Variants in NCOA1 observed in about 807,000 individuals in gnomAD.
NCOA1 encodes nuclear receptor coactivator 1, also known as Hin-2 protein.
Under a neutral mutation model 150.9 loss-of-function variants are expected in NCOA1, and 35 were observed. That is an observed-to-expected ratio of 0.23 (90% CI 0.18 to 0.31). NCOA1 has a LOEUF of 0.31. Among genes scored for constraint, NCOA1 ranks in the 10% least tolerant of loss-of-function variants. The pLI, the probability that NCOA1 is intolerant of heterozygous loss-of-function variation, is 1.00. For synonymous variants in NCOA1, 590 were observed against 630.0 expected (o/e 0.94, Z 0.95); for missense variants, 1,491 against 1,749.3 (o/e 0.85, Z 2.63).
intron 10 of NCOA1, among the ~76,000 whole-genome samples, chr2:24,694,855 G>C (rs1672828538): frequency 6.6e-6 from 1 of 151,720 alleles, no homozygotes; most frequent in Non-Finnish European, 1.5e-5. Context: ...AAAATTGAAA[G>C]TATTTTGCAT....
chr2:24,721,911 T>C (rs1674374878), intron 14 of NCOA1, among the ~76,000 whole-genome samples: 1 of 152,350 alleles, frequency 6.6e-6, no homozygotes, highest in East Asian at 1.9e-4. Context: ...CTTCGTTGTT[T>C]TAGTCTTCTG....
At chr2:24,659,052 G>A (rs1671067213) in intron 5 of NCOA1, 1 of 300,566 alleles carries the variant, frequency 3.3e-6, no homozygotes, top group Non-Finnish European at 6.4e-6. Flanking sequence ...GTTAGATCAA[G>A]TTCCTCCATT....
rs56063211 is a variant in NCOA1 at position 24,626,142 on chromosome 2, A to G, written c.-174-17824A>G. Among the ~76,000 whole-genome samples, 952 of 152,256 alleles carry G rather than the reference A, an allele frequency of 6.3e-3. 13 individuals are homozygous for G. The highest frequency in any genetic ancestry group is 0.021 in the African/African-American group (868 of 41,552). On this transcript the variant is annotated intron_variant, in intron 3 of 22. Transcript: ENST00000348332. ...TGTAGCAGTGTGTATGTTTTTCTCT[A>G]TTTAATTTAGTCACTTTCCTCATGT...
intron 8 of NCOA1, among the ~76,000 whole-genome samples, chr2:24,690,584 G>A (rs1362550321): frequency 3.7e-5 from 5 of 136,736 alleles, no homozygotes; most frequent in African/African-American, 5.4e-5. Flanking sequence ...TCCAGGAGGC[G>A]CAGGTTGTGG....
chr2:24,576,188 T>TTTTTTTTTTTTG (rs1558806701), intron 2 of NCOA1, among the ~76,000 whole-genome samples: 1 of 97,358 alleles, frequency 1.0e-5, no homozygotes, highest in Non-Finnish European at 2.2e-5. Flanking sequence ...TTTTTTTTTT[T>TTTTTTTTTTTTG]TTTGTTTGCT....
chr2:24,553,165 G>A (rs1273103400), intron 1 of NCOA1, among the ~76,000 whole-genome samples: 1 of 151,360 alleles, frequency 6.6e-6, no homozygotes, highest in South Asian at 2.1e-4. Context: ...GTTCTCTTCT[G>A]TTTCTAGTTT....
At chr2:24,568,821 A>G (rs1666615170) in intron 2 of NCOA1, among the ~76,000 whole-genome samples, 1 of 152,230 alleles carries the variant, frequency 6.6e-6, no homozygotes, top group Non-Finnish European at 1.5e-5. Context: ...CCATGCCAGT[A>G]TTTTGTTTTT....
chr2:24,492,465 A>G (rs1005950041), intron 1 of NCOA1, among the ~76,000 whole-genome samples: 2 of 152,188 alleles, frequency 1.3e-5, no homozygotes, highest in Admixed American at 6.5e-5. Flanking sequence ...CCATGGGTAG[A>G]CACTGCCCAG....
At chr2:24,659,517 C>A (rs559564691) in intron 5 of NCOA1, among the ~76,000 whole-genome samples, 2 of 152,142 alleles carry the variant, frequency 1.3e-5, no homozygotes, top group South Asian at 4.1e-4. Context: ...ATATTCAGTC[C>A]TATTAACTTT....
In NCOA1 at chr2:24,516,985, T is replaced by TATATATACGTGTATATATAC. The variant is rs1372718830; in HGVS notation, c.-396+25390_-396+25391insCGTGTATATATACATATATA. Among the ~76,000 whole-genome samples the TATATATACGTGTATATATAC allele has an allele frequency of 3.0e-3, 149 of 50,454 alleles. 9 individuals carry two copies. The highest frequency in any genetic ancestry group is 5.7e-3 in the African/African-American group (142 of 24,748). 33.1% of individuals were successfully genotyped at this position (50,454 alleles called of 152,430 possible). A position where few individuals can be genotyped will look rare whatever the true frequency, so the allele number is the denominator to read the frequency against. ...ATATACGTATATATACACATATACG[T>TATATATACGTGTATATATAC]ATATATATACACACGCGCGCACACA... On this transcript the variant is annotated intron_variant, in intron 1 of 22. Transcript: ENST00000348332.
rs11125744 is a variant in NCOA1, at chr2:24,683,058, G to C, written c.462G>C (p.Thr154=). 1,423,761 of 1,609,788 alleles carry C rather than the reference G, an allele frequency of 0.88. 634,409 individuals carry two copies. The highest frequency in any genetic ancestry group is 0.99 in the East Asian group (44,182 of 44,594). Residue 154 remains threonine, a synonymous_variant, in exon 8 of 23, where the codon ACG becomes ACC. Coordinates refer to ENST00000348332, the MANE Select transcript of NCOA1 (RefSeq NM_003743.5). The part of the protein sequence containing the change: ...LGYNQEELMN[T]SVYSILHVGD... ...ACAATCAGGAGGAATTAATGAATAC[G>C]AGCGTCTACAGCATACTGCACGTGG... is the stretch of plus-strand genomic sequence containing the variant.
At chr2:24,658,429 C>T (rs1298106631) in intron 4 of NCOA1, among the ~76,000 whole-genome samples, 1 of 152,092 alleles carries the variant, frequency 6.6e-6, no homozygotes, top group East Asian at 1.9e-4. Context: ...GTAACAATTT[C>T]ACAAAGGATT....
chr2:24,569,967 A>G (rs1666676377), intron 2 of NCOA1, among the ~76,000 whole-genome samples: 1 of 151,824 alleles, frequency 6.6e-6, no homozygotes, highest in African/African-American at 2.4e-5. Flanking sequence ...CCCAGAGTCA[A>G]AATGCAAGCA....
At chr2:24,603,087 G>C (rs2148362088) in intron 3 of NCOA1, among the ~76,000 whole-genome samples, 1 of 152,242 alleles carries the variant, frequency 6.6e-6, no homozygotes, top group East Asian at 1.9e-4. Flanking sequence ...TTGCTATAAA[G>C]TGAATCACAC....
chr2:24,524,303 A>G (rs1302042958), intron 1 of NCOA1, among the ~76,000 whole-genome samples: 1 of 151,846 alleles, frequency 6.6e-6, no homozygotes, highest in Non-Finnish European at 1.5e-5. Context: ...TTTTTATTTT[A>G]CTTTGTTTTT....
At chr2:24,599,388 G>A (rs1247094074) in intron 3 of NCOA1, among the ~76,000 whole-genome samples, 2 of 152,096 alleles carry the variant, frequency 1.3e-5, no homozygotes, top group Non-Finnish European at 2.9e-5. Context: ...AATATTTGAA[G>A]ATATCAGATA....
At chr2:24,540,018 G>A (rs1007490360) in intron 1 of NCOA1, among the ~76,000 whole-genome samples, 6 of 152,144 alleles carry the variant, frequency 3.9e-5, no homozygotes, top group Admixed American at 2.6e-4. Context: ...TCTAGAAGAC[G>A]AAGGACTGAG....
At chr2:24,592,513 G>T (rs542229183) in intron 3 of NCOA1, among the ~76,000 whole-genome samples, 2 of 150,926 alleles carry the variant, frequency 1.3e-5, no homozygotes, top group Non-Finnish European at 3.0e-5. Context: ...ACTCCTTGTT[G>T]CTGTAGCTTC....
intron 14 of NCOA1, among the ~76,000 whole-genome samples, chr2:24,711,846 T>G (rs534315146): frequency 1.3e-5 from 2 of 152,344 alleles, no homozygotes; most frequent in East Asian, 1.9e-4. Context: ...GTGGTAAGAA[T>G]TCCATTGTAT....
Sources: allele counts gnomAD v4.1 joint callset (sites outside exome capture counted in the v4.1 genomes callset), GRCh38; gene constraint gnomAD v4.1.1; transcripts MANE v1.5; gene names NCBI Gene and HGNC (gene_info 2026-07-23, HGNC 2026-07-21).